Variants in ROR1 observed in about 807,000 individuals in gnomAD.
ROR1 encodes inactive tyrosine-protein kinase transmembrane receptor ROR1.
A neutral mutation model predicts 78.8 loss-of-function variants in ROR1; 19 were observed. The ratio of observed to expected loss-of-function variants is 0.24; its 90% CI spans 0.17 to 0.35. The LOEUF is 0.35. ROR1 is among the 10% of genes least tolerant of loss of function. The pLI is 1.00. For synonymous variants in ROR1, 386 were observed against 433.6 expected, an observed-to-expected ratio of 0.89 and a Z score of 1.36; for missense variants, 917 against 1,177.8, an observed-to-expected ratio of 0.78 and a Z score of 3.24.
At chr1:63,803,460 C>G (rs897031357) in intron 1 of ROR1, among the ~76,000 whole-genome samples, 4 of 151,970 alleles carry the variant, frequency 2.6e-5, no homozygotes, top group African/African-American at 9.7e-5. Flanking sequence ...TCTCCTGCCT[C>G]AGTCTCCTGA....
chr1:63,941,436 T>C (rs1440500623), intron 1 of ROR1, among the ~76,000 whole-genome samples: 1 of 152,174 alleles, frequency 6.6e-6, no homozygotes, highest in Non-Finnish European at 1.5e-5. Flanking sequence ...GTCTGGATTG[T>C]TCTCTAAGTT....
At chr1:64,079,253 A>C (rs1647078513) in intron 4 of ROR1, among the ~76,000 whole-genome samples, 1 of 152,206 alleles carries the variant, frequency 6.6e-6, no homozygotes, top group African/African-American at 2.4e-5. Context: ...AAGTAGCACT[A>C]TCCAGCAATG....
At chr1:63,789,663 T>C (rs1569712271) in intron 1 of ROR1, among the ~76,000 whole-genome samples, 1 of 145,466 alleles carries the variant, frequency 6.9e-6, no homozygotes, top group Non-Finnish European at 1.5e-5. Context: ...AAAACACCCA[T>C]CCTTCCTCTC....
intron 1 of ROR1, among the ~76,000 whole-genome samples, chr1:63,990,198 T>C (rs1234880149): frequency 6.6e-6 from 1 of 152,166 alleles, no homozygotes; most frequent in African/African-American, 2.4e-5. Flanking sequence ...CAGAGGGCAT[T>C]GGCTAGAGTT....
intron 4 of ROR1, among the ~76,000 whole-genome samples, chr1:64,077,937 A>C (rs931726499): frequency 6.6e-6 from 1 of 152,240 alleles, no homozygotes; most frequent in Non-Finnish European, 1.5e-5. Context: ...GTGATGCTCA[A>C]TGTGAGGGAC....
At chr1:63,826,642 A>C (rs1175661261) in intron 1 of ROR1, among the ~76,000 whole-genome samples, 1 of 151,866 alleles carries the variant, frequency 6.6e-6, no homozygotes, top group African/African-American at 2.4e-5. Context: ...TGGTATTTCC[A>C]TTTTTAGGTC....
At chr1:64,022,022 CAA>C (rs1348058762) in intron 2 of ROR1, among the ~76,000 whole-genome samples, 1 of 152,060 alleles carries the variant, frequency 6.6e-6, no homozygotes, top group Non-Finnish European at 1.5e-5. Context: ...GACTGGTAAA[CAA>C]AGAGTGGTAC....
intron 1 of ROR1, among the ~76,000 whole-genome samples, chr1:63,875,285 T>C (rs1348546350): frequency 2.0e-5 from 3 of 152,226 alleles, no homozygotes; most frequent in Non-Finnish European, 4.4e-5. Context: ...CTGTGTTAGC[T>C]TTTATTGAAT....
chr1:64,116,067 C>T (rs895731976), intron 4 of ROR1, among the ~76,000 whole-genome samples: 1 of 152,166 alleles, frequency 6.6e-6, no homozygotes, highest in Non-Finnish European at 1.5e-5. Context: ...GAGTTTGGCA[C>T]TGGGGACCCA....
At chr1:63,846,117 A>AG (rs1645078862) in intron 1 of ROR1, among the ~76,000 whole-genome samples, 2 of 91,526 alleles carry the variant, frequency 2.2e-5, no homozygotes, top group African/African-American at 7.3e-5. Context: ...AGAGAGAGAG[A>AG]ATGTGTGTGT....
intron 4 of ROR1, among the ~76,000 whole-genome samples, chr1:64,092,186 A>G (rs1647205105): frequency 1.4e-5 from 2 of 143,400 alleles, no homozygotes; most frequent in South Asian, 4.3e-4. Context: ...CCTTCCAGAA[A>G]TTCTTTAGAC....
At chr1:63,904,692 A>G (rs923271439) in intron 1 of ROR1, among the ~76,000 whole-genome samples, 1 of 152,184 alleles carries the variant, frequency 6.6e-6, no homozygotes, top group Non-Finnish European at 1.5e-5. Context: ...CCCTAATCCT[A>G]TTTGACTGTT....
At chr1:64,050,912 G>A (rs1428058049) in intron 4 of ROR1, among the ~76,000 whole-genome samples, 196 bp downstream of exon 4, 1 of 152,090 alleles carries the variant, frequency 6.6e-6, no homozygotes, top group African/African-American at 2.4e-5. Flanking sequence ...GAATTCTCAA[G>A]TGTAGTAATG....
At chr1:63,789,088 C>G in intron 1 of ROR1, 1 of 616,826 alleles carries the variant, frequency 1.6e-6, no homozygotes, top group South Asian at 1.4e-5. Flanking sequence ...ATGTGCCTGC[C>G]CTTCCGGTAG....
chr1:63,860,768 C>CA (rs1645176170), intron 1 of ROR1, among the ~76,000 whole-genome samples: 1 of 104,612 alleles, frequency 9.6e-6, no homozygotes, highest in African/African-American at 6.1e-5. Context: ...GAGTCTGTCT[C>CA]GGGGAAAAAA....
intron 2 of ROR1, among the ~76,000 whole-genome samples, chr1:64,027,278 A>G (rs1218996772): frequency 6.6e-6 from 1 of 152,196 alleles, no homozygotes; most frequent in Non-Finnish European, 1.5e-5. Context: ...CTTGTTTTCC[A>G]GATCCTTCCC....
Position 64,081,385 on chromosome 1 carries a change from A to T in ROR1, c.482+30669A>T, listed in dbSNP as rs111385538. ...AGACATATTGTGAAATAGATTAAAT[A>T]TGACACATTTATAGAATGGAACATT... is the stretch of plus-strand genomic sequence containing the variant. On this transcript the variant is annotated intron_variant, in intron 4 of 8. Coordinates refer to ENST00000371079, the MANE Select transcript of ROR1 (RefSeq NM_005012.4). Among the ~76,000 whole-genome samples the T allele has an allele frequency of 7.7e-3, 1,170 of 152,350 alleles. 6 individuals are homozygous for T. The highest frequency in any genetic ancestry group is 0.017 in the Middle Eastern group (5 of 294).
Position 63,947,551 on chromosome 1 carries a change from A to C in ROR1, c.92-61754A>C, listed in dbSNP as rs1645900202. ...TTTCCATGCCCTTTAATAACCTGTAATGTATGTACCAGCCAGCTCCACTGC... is the reference window on the plus strand; with the variant it reads ...TTTCCATGCCCTTTAATAACCTGTACTGTATGTACCAGCCAGCTCCACTGC... On this transcript the variant is annotated intron_variant, in intron 1 of 8. Transcript: ENST00000371079. Among the ~76,000 whole-genome samples the C allele has an allele frequency of 2.6e-5, 4 of 152,218 alleles. No homozygotes were observed. In the South Asian group the frequency reaches 8.3e-4, roughly 32 times the overall value.
Position 64,039,617 on chromosome 1 carries a change from G to A in ROR1, c.164-10074G>A, listed in dbSNP as rs917646716. Reference sequence around the variant, plus strand: ...AGCTGAAAGCACAACTGTTGCATTTGCATGACATAGAAGCAGCCAAAAGCT... The same window carrying A: ...AGCTGAAAGCACAACTGTTGCATTTACATGACATAGAAGCAGCCAAAAGCT... On this transcript the variant is annotated intron_variant, in intron 2 of 8. Coordinates refer to ENST00000371079, the MANE Select transcript of ROR1 (RefSeq NM_005012.4). 9.9e-5 allele frequency among the ~76,000 whole-genome samples: 15 copies of A among 152,168 alleles called. No individual in the cohort carries two copies. The East Asian group carries it at 1.7e-3, about 18-fold the overall frequency.
Sources: allele counts gnomAD v4.1 joint callset (sites outside exome capture counted in the v4.1 genomes callset), GRCh38; gene constraint gnomAD v4.1.1; transcripts MANE v1.5; gene names NCBI Gene and HGNC (gene_info 2026-07-23, HGNC 2026-07-21).